PCDHA4: variants seen among roughly 807,000 people sequenced by gnomAD.
The protein encoded by PCDHA4 is protocadherin alpha-4.
Under a neutral mutation model 61.4 loss-of-function variants are expected in PCDHA4, and 49 were observed. The ratio of observed to expected loss-of-function variants is 0.80; its 90% CI spans 0.63 to 1.01. The LOEUF (loss-of-function observed/expected upper bound fraction) is 1.01. PCDHA4 is among the 50% of genes least tolerant of loss of function. The pLI is 0.00. For synonymous variants in PCDHA4, 590 were observed against 550.3 expected (o/e 1.07, Z -1.01); for missense variants, 1,254 against 1,235.8 (o/e 1.01, Z -0.22).
At chr5:140,857,001 A>T in intron 1 of PCDHA4, 1 of 1,595,350 alleles carries the variant, frequency 6.3e-7, no homozygotes, top group Non-Finnish European at 8.6e-7. Flanking sequence ...TATGAAATTC[A>T]TGTAGATGTT....
At chr5:140,815,346 G>A (rs2126663350) in intron 1 of PCDHA4, 1 of 151,614 alleles carries the variant, frequency 6.6e-6, no homozygotes, top group Non-Finnish European at 1.5e-5. Flanking sequence ...GTTTTCTTTT[G>A]TATATCTTCC....
intron 1 of PCDHA4, chr5:140,823,529 G>A (rs1554129396): frequency 6.2e-7 from 1 of 1,613,792 alleles, no homozygotes; most frequent in South Asian, 1.1e-5. Context: ...AGGTCAGTGG[G>A]TGCGGGCCAC....
chr5:140,910,652 T>C (rs2075120001), intron 1 of PCDHA4, among the ~76,000 whole-genome samples: 1 of 152,204 alleles, frequency 6.6e-6, no homozygotes, highest in Non-Finnish European at 1.5e-5. Flanking sequence ...TTTTGATCCC[T>C]TCCTCTACAT....
At chr5:140,983,228 A>T (rs1012242202) in intron 3 of PCDHA4, among the ~76,000 whole-genome samples, 4 of 152,240 alleles carry the variant, frequency 2.6e-5, no homozygotes, top group Non-Finnish European at 4.4e-5. Context: ...CCAAACTTTC[A>T]GGAAAGAGAA....
chr5:140,836,453 G>T, intron 1 of PCDHA4: 1 of 1,613,854 alleles, frequency 6.2e-7, no homozygotes, highest in Non-Finnish European at 8.5e-7. Flanking sequence ...CAGGCCCAGA[G>T]ACCGAGCTGG....
chr5:140,884,409 C>A (rs373513056), intron 1 of PCDHA4: 1 of 1,613,992 alleles, frequency 6.2e-7, no homozygotes, highest in Non-Finnish European at 8.5e-7. Context: ...TTGGTGCTCA[C>A]GTTGCTGCTG....
intron 1 of PCDHA4, chr5:140,856,598 A>C: frequency 6.3e-7 from 1 of 1,597,872 alleles, no homozygotes; most frequent in East Asian, 2.2e-5. Context: ...TATTATAAAC[A>C]AAAAAGACAA....
intron 3 of PCDHA4, among the ~76,000 whole-genome samples, chr5:140,991,446 A>G (rs782325342): frequency 6.6e-6 from 1 of 152,202 alleles, no homozygotes; most frequent in Non-Finnish European, 1.5e-5. Flanking sequence ...ATGGCTTAAA[A>G]CAACACAATG....
At chr5:140,835,991 C>A (rs2150249713) in intron 1 of PCDHA4, 70 of 1,613,150 alleles carry the variant, frequency 4.3e-5, no homozygotes, top group Middle Eastern at 1.7e-4. Context: ...TCCAGGTGAG[C>A]GCGCGCGATG....
intron 1 of PCDHA4, among the ~76,000 whole-genome samples, chr5:140,921,337 C>T (rs1339756681): frequency 6.6e-6 from 1 of 152,082 alleles, no homozygotes; most frequent in Non-Finnish European, 1.5e-5. Flanking sequence ...GGTCCAATCA[C>T]ATAATATATT....
chr5:140,821,010 C>A (rs1020612182), intron 1 of PCDHA4, among the ~76,000 whole-genome samples: 1 of 151,734 alleles, frequency 6.6e-6, no homozygotes, highest in Non-Finnish European at 1.5e-5. Flanking sequence ...AGGTTTTCAT[C>A]GATTTGAAAA....
At chr5:140,891,007 G>A (rs1228475433) in intron 1 of PCDHA4, among the ~76,000 whole-genome samples, 7 of 152,030 alleles carry the variant, frequency 4.6e-5, no homozygotes, top group African/African-American at 7.3e-5. Context: ...TTATTGAAAA[G>A]CATTTTTTCT....
intron 1 of PCDHA4, chr5:140,849,923 G>A (rs145904051): frequency 6.3e-7 from 1 of 1,598,322 alleles, no homozygotes; most frequent in Middle Eastern, 1.7e-4. Context: ...ACATCTTCAC[G>A]GTGTCTGCGC....
At chr5:140,910,013 C>T (rs185824848) in intron 1 of PCDHA4, among the ~76,000 whole-genome samples, 4 of 152,256 alleles carry the variant, frequency 2.6e-5, no homozygotes, top group Non-Finnish European at 1.5e-5. Context: ...CAGTGTCATC[C>T]TTGTATCCCT....
chr5:140,929,541 G>A, intron 1 of PCDHA4: 6 of 542,944 alleles, frequency 1.1e-5, no homozygotes, highest in Non-Finnish European at 1.8e-5. Context: ...AGAAACAAGG[G>A]CAAAAATTAA....
chr5:140,858,566 G>A (rs2045486949), intron 1 of PCDHA4: 1 of 1,375,796 alleles, frequency 7.3e-7, no homozygotes, highest in African/African-American at 1.4e-5. Context: ...TATTTCTAGT[G>A]ATACCTTTGT....
intron 3 of PCDHA4, among the ~76,000 whole-genome samples, chr5:141,000,371 C>G (rs868969531): frequency 6.1e-5 from 3 of 49,260 alleles, no homozygotes; most frequent in Admixed American, 2.7e-4. Flanking sequence ...GTCTCTCTCT[C>G]TCTCTCTCTC....
chr5:140,925,082 AAAGGAAGGAAGG>A (rs138596875), intron 1 of PCDHA4, among the ~76,000 whole-genome samples: 78 of 147,388 alleles, frequency 5.3e-4, no homozygotes, highest in African/African-American at 1.8e-3. Context: ...GCTCATCTGG[AAAGGAAGGAAGG>A]AAGGAAGGAA....
In PCDHA4 at chr5:140,857,752, C is replaced by T. The variant is rs7725388; in HGVS notation, c.2385+48180C>T. On this transcript the variant is annotated intron_variant, in intron 1 of 3. Coordinates refer to ENST00000530339, the MANE Select transcript of PCDHA4 (RefSeq NM_018907.4). ...ACGCTCCCGCGCTGCTGGCGTCTCCCGCTGGCAGCGCGGGCGGTGCAGTCA... is the reference window on the plus strand; with the variant it reads ...ACGCTCCCGCGCTGCTGGCGTCTCCTGCTGGCAGCGCGGGCGGTGCAGTCA... The T allele has an allele frequency of 7.5e-6, 12 of 1,597,052 alleles. 1 individual carries two copies. The highest frequency in any genetic ancestry group is 9.4e-6 in the Non-Finnish European group (11 of 1,167,514).
Sources: gnomAD v4.1 joint callset for allele counts (sites outside exome capture counted in the v4.1 genomes callset) on GRCh38, gnomAD v4.1.1 for gene constraint, MANE v1.5 for transcripts, NCBI Gene and HGNC (gene_info 2026-07-23, HGNC 2026-07-21) for gene names.